The following CD9 variants were observed in gnomAD, a reference collection of about 807,000 sequenced individuals.
CD9 encodes the protein CD9 molecule.
CD9 carries 10 observed loss-of-function variants against 31.4 expected under a neutral mutation model. The observed-to-expected ratio is 0.32, with a 90% CI of 0.20 to 0.54. The LOEUF (loss-of-function observed/expected upper bound fraction) is 0.54. Among genes scored for constraint, CD9 ranks in the 20% least tolerant of loss-of-function variants. The pLI, the probability that CD9 is intolerant of heterozygous loss-of-function variation, is 0.94. For missense variants in CD9, 259 were observed against 300.1 expected (o/e 0.86, Z 1.01); for synonymous variants, 113 against 114.1 (o/e 0.99, Z 0.06).
intron 2 of CD9, among the ~76,000 whole-genome samples, chr12:6,228,801 T>C (rs1403000359): frequency 1.3e-5 from 2 of 152,142 alleles, no homozygotes; most frequent in Non-Finnish European, 2.9e-5. Flanking sequence ...TGGCTACTTT[T>C]CCAAGGAATA....
At position 6,232,969 on chromosome 12, in the gene CD9, C is replaced by G. The variant is rs889976544; in HGVS notation, c.273+240C>G. ...AAAGGACTATGTTTCCCCCTTTTCT[C>G]GAGGACCACGTTTGCTTTTTTTCCC... On this transcript the variant is annotated intron_variant, in intron 3 of 7. Coordinates refer to ENST00000009180, the MANE Select transcript of CD9 (RefSeq NM_001769.4). This position sits in a 1 kb window ranked among gnomAD's most constrained non-coding sequence, Gnocchi z 4.8. 1 of 702,324 alleles carries G rather than the reference C, an allele frequency of 1.4e-6. No homozygotes were observed. Among genetic ancestry groups the G allele is most frequent in the Admixed American group, 2.0e-5 (1 of 49,992 alleles). 43.5% of individuals were successfully genotyped at this position (702,324 alleles called of 1,614,324 possible). A position where few individuals can be genotyped will look rare whatever the true frequency, so the allele number is the denominator to read the frequency against.
intron 4 of CD9, among the ~76,000 whole-genome samples, chr12:6,234,801 A>C (rs1946494171): frequency 6.6e-6 from 1 of 152,276 alleles, no homozygotes; most frequent in Admixed American, 6.5e-5. Flanking sequence ...ACAAATGTGG[A>C]AACTCCATAC....
chr12:6,205,594 C>G (rs1031196639), intron 1 of CD9, among the ~76,000 whole-genome samples: 9 of 152,188 alleles, frequency 5.9e-5, no homozygotes, highest in Non-Finnish European at 1.3e-4. Flanking sequence ...ACACATAGAT[C>G]CTGTGTTTGT....
At chr12:6,211,147 A>G (rs1946190308) in intron 1 of CD9, among the ~76,000 whole-genome samples, 1 of 152,140 alleles carries the variant, frequency 6.6e-6, no homozygotes, top group Admixed American at 6.5e-5. Flanking sequence ...GAGCAACTTA[A>G]CTTTTGTGCC....
intron 1 of CD9, among the ~76,000 whole-genome samples, chr12:6,214,974 G>A (rs976020382): frequency 6.6e-6 from 1 of 152,116 alleles, no homozygotes; most frequent in Non-Finnish European, 1.5e-5. Context: ...TTGTCCAGCC[G>A]TTCTCTCTCC....
chr12:6,218,660 G>A (rs1027061207), intron 1 of CD9, among the ~76,000 whole-genome samples: 5 of 152,186 alleles, frequency 3.3e-5, no homozygotes, highest in Non-Finnish European at 7.3e-5. Flanking sequence ...AATGTTTCCT[G>A]TAACTCCAGG....
intron 2 of CD9, among the ~76,000 whole-genome samples, chr12:6,228,711 C>T (rs549215167): frequency 6.6e-6 from 1 of 152,324 alleles, no homozygotes; most frequent in African/African-American, 2.4e-5. Flanking sequence ...TCCCCTTCCC[C>T]ACGAGGCTGT....
At chr12:6,215,349 T>C (rs1946233975) in intron 1 of CD9, among the ~76,000 whole-genome samples, 1 of 152,152 alleles carries the variant, frequency 6.6e-6, no homozygotes, top group East Asian at 1.9e-4. Flanking sequence ...GGTGTGTAAA[T>C]GAAGGCCTAG....
At chr12:6,223,688 C>T (rs11568239) in intron 1 of CD9, among the ~76,000 whole-genome samples, 87 of 152,228 alleles carry the variant, frequency 5.7e-4, no homozygotes, top group African/African-American at 2.0e-3. Flanking sequence ...AGCCACATAA[C>T]TCTTCTAGCC....
intron 1 of CD9, among the ~76,000 whole-genome samples, chr12:6,219,894 G>A (rs1366547900): frequency 6.6e-6 from 1 of 152,186 alleles, no homozygotes; most frequent in East Asian, 1.9e-4. Context: ...GGAGATCTGG[G>A]TGGATTTCAA....
In CD9 at chr12:6,233,103, C is replaced by G. The variant is rs532560924; in HGVS notation, c.274-309C>G. The G allele has an allele frequency of 2.9e-5, 20 of 700,624 alleles. No homozygotes were observed. In the South Asian group the frequency reaches 3.0e-4, roughly 10 times the overall value. 43.4% of individuals were successfully genotyped at this position (700,624 alleles called of 1,614,324 possible). ...CCCTTTACTTGCCCAAATCTCTTGT[C>G]TTTTGTGAACAATAGTAGTTGCCTG... On this transcript the variant is annotated intron_variant, in intron 3 of 7. Coordinates refer to ENST00000009180, the MANE Select transcript of CD9 (RefSeq NM_001769.4).
At chr12:6,203,904 A>G (rs977303577) in intron 1 of CD9, among the ~76,000 whole-genome samples, 5 of 152,098 alleles carry the variant, frequency 3.3e-5, no homozygotes, top group African/African-American at 1.2e-4. Context: ...ACAGAGCCCA[A>G]TCCCCTCCCC....
rs888600063 is a variant in CD9, at chr12:6,237,890, GTTTGT to G, written c.*75_*79del. 24 of 1,266,638 alleles carry G rather than the reference GTTTGT, an allele frequency of 1.9e-5. No individual in the cohort carries two copies. The highest frequency in any genetic ancestry group is 2.9e-5 in the African/African-American group (2 of 67,886). The allele number at this position is 1,266,638 out of a possible 1,614,324, so 78.5% of individuals were successfully genotyped here. On this transcript the variant is annotated 3_prime_UTR_variant, in exon 8 of 8. Coordinates refer to ENST00000009180, the MANE Select transcript of CD9 (RefSeq NM_001769.4). ...TGAAGATTGGTGGGATTTTTTGTTT[GTTTGT>G]TTTGTTTTGTTTGTTGTTTGTTGTT...
chr12:6,202,683 C>T (rs551884258), intron 1 of CD9, among the ~76,000 whole-genome samples: 5 of 152,304 alleles, frequency 3.3e-5, no homozygotes, highest in South Asian at 2.1e-4. Flanking sequence ...CCACCCCACT[C>T]GTATTCAGAA....
At chr12:6,213,656 C>T (rs964593836) in intron 1 of CD9, among the ~76,000 whole-genome samples, 1 of 152,172 alleles carries the variant, frequency 6.6e-6, no homozygotes, top group Non-Finnish European at 1.5e-5. Context: ...ACACCTACAC[C>T]CAGAAACCAG....
rs780646624 is a variant in CD9, at chr12:6,225,555, A to G, written c.175+21A>G. The stretch of plus-strand genomic sequence containing the variant: ...CACAGGTGAGGGACGGGGAAGGCTC[A>G]GTGAATTCAGACCCTGGCTCCAACA... On this transcript the variant is annotated intron_variant, in intron 2 of 7. Coordinates refer to ENST00000009180, the MANE Select transcript of CD9 (RefSeq NM_001769.4). The G allele has an allele frequency of 3.5e-6, 5 of 1,448,818 alleles. No homozygotes were observed. The Admixed American group carries it at 6.7e-5, about 19-fold the overall frequency. The allele number at this position is 1,448,818 out of a possible 1,614,324, so 89.7% of individuals were successfully genotyped here.
At chr12:6,212,936 T>C (rs1009452786) in intron 1 of CD9, among the ~76,000 whole-genome samples, 2 of 151,800 alleles carry the variant, frequency 1.3e-5, no homozygotes, top group Admixed American at 6.6e-5. Context: ...ATTGCTGGGG[T>C]TGGGGGGAGT....
At chr12:6,213,970 A>G (rs1285587207) in intron 1 of CD9, among the ~76,000 whole-genome samples, 1 of 152,192 alleles carries the variant, frequency 6.6e-6, no homozygotes, top group African/African-American at 2.4e-5. Flanking sequence ...GCCAAATTCA[A>G]CACGTCCAAG....
chr12:6,237,231 T>C (rs1946533632), intron 7 of CD9, among the ~76,000 whole-genome samples: 1 of 152,156 alleles, frequency 6.6e-6, no homozygotes, highest in Admixed American at 6.5e-5. Flanking sequence ...TGCCTTGGCC[T>C]CCCAAAGTGC....
Sources: allele counts gnomAD v4.1 joint callset (sites outside exome capture counted in the v4.1 genomes callset), GRCh38; gene constraint gnomAD v4.1.1; non-coding constraint Gnocchi (gnomAD v3.1); transcripts MANE v1.5; gene names NCBI Gene and HGNC (gene_info 2026-07-23, HGNC 2026-07-21).